UNC80: variants seen among roughly 807,000 people sequenced by gnomAD.
UNC80 encodes unc-80 subunit of NALCN channel complex, also known as protein unc-80 homolog.
A neutral mutation model predicts 384.6 loss-of-function variants in UNC80; 164 were observed. The ratio of observed to expected loss-of-function variants is 0.43; its 90% CI spans 0.38 to 0.49. The LOEUF (loss-of-function observed/expected upper bound fraction) is 0.49, where lower values mean the gene tolerates loss of function less well. UNC80 is among the 20% of genes least tolerant of loss of function. The pLI is 0.00. For missense variants in UNC80, 3,330 were observed against 4,143.0 expected (o/e 0.80, Z 5.39); for synonymous variants, 1,486 against 1,527.8 (o/e 0.97, Z 0.64).
At chr2:209,813,887 A>C (rs760127902) in intron 8 of UNC80, 46 bp downstream of exon 8, 38 of 1,533,940 alleles carry the variant, frequency 2.5e-5, no homozygotes, top group Non-Finnish European at 3.3e-5. Flanking sequence ...CAACTTTGCC[A>C]TAATGGATTC....
chr2:209,866,628 T>C (rs2083853619), intron 22 of UNC80, among the ~76,000 whole-genome samples: 1 of 152,016 alleles, frequency 6.6e-6, no homozygotes, highest in African/African-American at 2.4e-5. Flanking sequence ...ACCTGTGTTT[T>C]AGTCTATCCA....
At chr2:209,956,719 A>C (rs1413388974) in intron 48 of UNC80, among the ~76,000 whole-genome samples, 1 of 152,300 alleles carries the variant, frequency 6.6e-6, no homozygotes, top group African/African-American at 2.4e-5. Flanking sequence ...TAGCCAGAGA[A>C]GACTCTCTGC....
intron 47 of UNC80, among the ~76,000 whole-genome samples, chr2:209,951,177 T>A (rs2092161644): frequency 6.8e-6 from 1 of 147,840 alleles, no homozygotes; most frequent in South Asian, 2.2e-4. Context: ...TCAAATAAAT[T>A]AATTAACTAA....
intron 35 of UNC80, among the ~76,000 whole-genome samples, 182 bp downstream of exon 35, chr2:209,922,565 T>G (rs1160422061): frequency 6.6e-6 from 1 of 152,202 alleles, no homozygotes; most frequent in African/African-American, 2.4e-5. Flanking sequence ...ACCTCAGCAA[T>G]TGTTATTTTT....
chr2:209,923,980 T>G (rs2090240483), intron 35 of UNC80, among the ~76,000 whole-genome samples: 1 of 152,114 alleles, frequency 6.6e-6, no homozygotes, highest in African/African-American at 2.4e-5. Flanking sequence ...GACACAGTTT[T>G]ATTTATATCT....
intron 29 of UNC80, among the ~76,000 whole-genome samples, chr2:209,908,226 G>A (rs763753860): frequency 1.1e-4 from 16 of 152,152 alleles, no homozygotes; most frequent in Non-Finnish European, 2.2e-4. Context: ...GAATAAAATC[G>A]TGTCTTATGA....
chr2:209,969,881 G>T lies in UNC80; in HGVS notation c.8120G>T (p.Cys2707Phe), dbSNP rs1192786575. 1.9e-6 allele frequency: 3 copies of T among 1,551,650 alleles called. No individual in the cohort carries two copies. Among genetic ancestry groups the T allele is most frequent in the Non-Finnish European group, 2.6e-6 (3 of 1,146,974 alleles). Residue 2707 changes from cysteine to phenylalanine, a missense_variant, in exon 53 of 65, where the codon TGT becomes TTT. Cys to Phe is a radical substitution (Grantham distance 205). This residue lies in a region of UNC80 where 1,049 missense variants were observed against 1,488.6 expected (regional missense o/e 0.70). Coordinates refer to ENST00000673920, the MANE Select transcript of UNC80 (RefSeq NM_001371986.1). ...LPHLRSLINV[C>F]VNLVMGVVGP... ...CACCTTAGGTCACTGATCAATGTCT[G>T]TGTCAATCTGGTGAGTAGCCAAGTG...
rs573773571 is a variant in UNC80, at chr2:209,847,637, A to C, written c.3455-1814A>C. On this transcript the variant is annotated intron_variant, in intron 21 of 64. Coordinates refer to ENST00000673920, the MANE Select transcript of UNC80 (RefSeq NM_001371986.1). ...ACTGCATTATTTCTGAAATTCTTGC[A>C]ATTAAAATGGCATTTCTTTTAGTAG... Among the ~76,000 whole-genome samples, 7 of 152,116 alleles carry C rather than the reference A, an allele frequency of 4.6e-5. No homozygotes were observed. In the East Asian group the frequency reaches 1.3e-3, roughly 29 times the overall value.
In UNC80 at chr2:209,860,159, TG is replaced by T. The variant is rs1461625090; in HGVS notation, c.3627+10540del. On this transcript the variant is annotated intron_variant, in intron 22 of 64. Coordinates refer to ENST00000673920, the MANE Select transcript of UNC80 (RefSeq NM_001371986.1). ...GTTTTCTTCTAGGATTTTTATGGTT[TG>T]GGGTTTTACATTTAAGTCTTTAATC... Among the ~76,000 whole-genome samples the T allele has an allele frequency of 4.6e-5, 7 of 152,310 alleles. No individual in the cohort carries two copies. The South Asian group carries it at 6.2e-4, about 14-fold the overall frequency.
At position 209,977,089 on chromosome 2, in the gene UNC80, A is replaced by G. The variant is rs755361395; in HGVS notation, c.8938+11A>G. On this transcript the variant is annotated intron_variant, in intron 58 of 64. Coordinates refer to ENST00000673920, the MANE Select transcript of UNC80 (RefSeq NM_001371986.1). ...TTCATAGTGGATCAGGTGAGTGTGC[A>G]TGAGAGTGTTGTGAATTTGTTTGAC... 2 of 1,481,402 alleles carry G rather than the reference A, an allele frequency of 1.4e-6. No individual in the cohort carries two copies. Among genetic ancestry groups the G allele is most frequent in the Admixed American group, 2.0e-5 (1 of 49,960 alleles). The allele number at this position is 1,481,402 out of a possible 1,614,324, so 91.8% of individuals were successfully genotyped here. A position where few individuals can be genotyped will look rare whatever the true frequency, so the allele number is the denominator to read the frequency against.
chr2:209,823,146 T>C (rs1272751407), intron 13 of UNC80, among the ~76,000 whole-genome samples: 1 of 152,198 alleles, frequency 6.6e-6, no homozygotes, highest in Non-Finnish European at 1.5e-5. Flanking sequence ...ATTTCTATAT[T>C]TGCCACAACT....
At position 209,815,311 on chromosome 2, in the gene UNC80, T is replaced by A. The variant is rs991988355; in HGVS notation, c.1255T>A (p.Ser419Thr). 3.2e-6 allele frequency: 5 copies of A among 1,551,600 alleles called. No individual in the cohort carries two copies. Among genetic ancestry groups the A allele is most frequent in the Admixed American group, 3.9e-5 (2 of 50,982 alleles). ...AAAATCTCTTAGCTCTGAGGCCTTT[T>A]CCAAGGTTTCACTGACCAATCTGCG... ...EEKSLSSEAF[S>T]KVSLTNLRRS... Residue 419 changes from serine to threonine, a missense_variant, in exon 9 of 65, where the codon TCC (serine) becomes ACC (threonine). Coordinates refer to ENST00000673920, the MANE Select transcript of UNC80 (RefSeq NM_001371986.1).
At chr2:209,820,753 G>T (rs1488158262) in intron 13 of UNC80, 74 bp downstream of exon 13, 1 of 1,450,880 alleles carries the variant, frequency 6.9e-7, no homozygotes, top group Non-Finnish European at 9.1e-7. Context: ...CTTGCCAGCA[G>T]TTTATTGAAT....
chr2:209,888,229 C>T lies in UNC80; in HGVS notation c.4245C>T (p.Leu1415=). The change falls in exon 26 of 65, where the codon CTC becomes CTT. Residue 1415 remains leucine (L), a synonymous_variant. Transcript: ENST00000673920. ...KDSLHSSSHT[L]KSDAGVEEKK... is the part of the protein sequence containing the mutation. ...CTCTCCACAGCAGCAGCCACACTCTCAAATCAGATGCAGGAGTCGAGGAGA... is the reference window on the plus strand; with the variant it reads ...CTCTCCACAGCAGCAGCCACACTCTTAAATCAGATGCAGGAGTCGAGGAGA... 6.4e-7 allele frequency: 1 copy of T among 1,551,664 alleles called. No individual in the cohort carries two copies. The highest frequency in any genetic ancestry group is 8.7e-7 in the Non-Finnish European group (1 of 1,146,982).
intron 11 of UNC80, 144 bp from the exon 12 acceptor site, chr2:209,818,849 T>C: frequency 1.1e-6 from 1 of 940,842 alleles, no homozygotes; most frequent in Non-Finnish European, 1.6e-6. Context: ...CCATGAGAGC[T>C]GAGACTAGCT....
At chr2:209,952,755 T>C (rs1314102600) in intron 47 of UNC80, among the ~76,000 whole-genome samples, 3 of 152,186 alleles carry the variant, frequency 2.0e-5, no homozygotes, top group Non-Finnish European at 4.4e-5. Context: ...GTCCACCCTT[T>C]CTAGTAAGAC....
intron 14 of UNC80, among the ~76,000 whole-genome samples, chr2:209,828,347 C>A (rs1242733232): frequency 6.6e-6 from 1 of 151,980 alleles, no homozygotes; most frequent in Non-Finnish European, 1.5e-5. Context: ...CTTGTAAACT[C>A]CCTGGGAATA....
chr2:209,833,729 GTCTT>G (rs1339895718), intron 16 of UNC80, among the ~76,000 whole-genome samples: 1 of 152,168 alleles, frequency 6.6e-6, no homozygotes, highest in African/African-American at 2.4e-5. Context: ...GTAAATTAAT[GTCTT>G]TCTAATGATG....
chr2:209,812,603 G>T (rs553113091), intron 7 of UNC80, among the ~76,000 whole-genome samples: 1 of 152,204 alleles, frequency 6.6e-6, no homozygotes, highest in South Asian at 2.1e-4. Context: ...TAAATCAGAA[G>T]GAAATTGTGC....
Sources: allele counts gnomAD v4.1 joint callset (sites outside exome capture counted in the v4.1 genomes callset), GRCh38; gene constraint gnomAD v4.1.1; regional missense constraint gnomAD v4.1.1; transcripts MANE v1.5; gene names NCBI Gene and HGNC (gene_info 2026-07-23, HGNC 2026-07-21).